Variants in ZNF831 observed in about 807,000 individuals in gnomAD.
The protein encoded by ZNF831 is zinc finger protein 831, also known as chromosome 20 open reading frame 174.
A neutral mutation model predicts 95.8 loss-of-function variants in ZNF831; 59 were observed. The ratio of observed to expected loss-of-function variants is 0.62; its 90% CI spans 0.50 to 0.77. The LOEUF (loss-of-function observed/expected upper bound fraction) is 0.77, where lower values mean the gene tolerates loss of function less well. ZNF831 is among the 30% of genes least tolerant of loss of function. The pLI is 0.00. For synonymous variants in ZNF831, 961 were observed against 925.5 expected (o/e 1.04, Z -0.70); for missense variants, 2,205 against 2,164.0 (o/e 1.02, Z -0.38).
At chr20:59,158,822 A>G (rs976910810), upstream of ZNF831, among the ~76,000 whole-genome samples, 2 of 152,182 alleles carry the variant, frequency 1.3e-5, no homozygotes, top group African/African-American at 4.8e-5. Context: ...AGAAATTCCC[A>G]CATCCCTTCA....
rs758933089 is a variant in ZNF831 at position 59,192,494 on chromosome 20, T to A, written c.1475T>A (p.Leu492His). ...PLFFHSVPTQ[L>H]STTVECVPVT... ...TTCTTCCACTCCGTCCCCACTCAGC[T>A]CTCCACCACCGTGGAATGTGTCCCC... is the stretch of plus-strand genomic sequence containing the variant. The change falls in exon 2 of 6, where the codon CTC becomes CAC. Residue 492 changes from leucine (L) to histidine (H), a missense_variant. Coordinates refer to ENST00000371030, the MANE Select transcript of ZNF831 (RefSeq NM_178457.3). The surrounding 1 kb of genome is among the most constrained non-coding windows in gnomAD (Gnocchi z 5.2). The A allele has an allele frequency of 1.3e-6, 2 of 1,563,860 alleles. No homozygotes were observed. Among genetic ancestry groups the A allele is most frequent in the Non-Finnish European group, 8.7e-7 (1 of 1,155,984 alleles).
upstream of ZNF831, among the ~76,000 whole-genome samples, chr20:59,161,085 G>C (rs1285472371): frequency 2.6e-5 from 4 of 152,120 alleles, no homozygotes; most frequent in African/African-American, 9.7e-5. Flanking sequence ...ATTAGAATGG[G>C]AGTGATGGAT....
At chr20:59,198,822 T>A (rs1480033414) in intron 3 of ZNF831, among the ~76,000 whole-genome samples, 1 of 152,190 alleles carries the variant, frequency 6.6e-6, no homozygotes, top group African/African-American at 2.4e-5. Flanking sequence ...TAATTCCAGC[T>A]TCAAGGCCTT....
rs2146596567 is a variant in ZNF831 at position 59,194,269 on chromosome 20, T to C, written c.3250T>C (p.Leu1084=). 1 of 1,614,004 alleles carries C rather than the reference T, an allele frequency of 6.2e-7. No homozygotes were observed. The highest frequency in any genetic ancestry group is 8.5e-7 in the Non-Finnish European group (1 of 1,179,994). ...CCATCGCCTCTGCATGGGCAGCACT[T>C]TGGCAAGGGCCAGGCTCTCTGGGGA... ...RIHRLCMGST[L]ARARLSGDVL... Residue 1084 remains leucine (L), a synonymous_variant, in exon 2 of 6, where the codon TTG becomes CTG. Transcript: ENST00000371030.
At chr20:59,226,458 T>A (rs1409836545) in intron 4 of ZNF831, among the ~76,000 whole-genome samples, 1 of 152,050 alleles carries the variant, frequency 6.6e-6, no homozygotes, top group African/African-American at 2.4e-5. Flanking sequence ...ACATTTTTCT[T>A]GAGAGTACCC....
intron 4 of ZNF831, among the ~76,000 whole-genome samples, chr20:59,227,201 A>C (rs1352336850): frequency 6.6e-6 from 1 of 152,226 alleles, no homozygotes; most frequent in Non-Finnish European, 1.5e-5. Flanking sequence ...GAATGGCGTC[A>C]TTTCAGGCTA....
intron 1 of ZNF831, among the ~76,000 whole-genome samples, chr20:59,181,755 G>C (rs1982632793): frequency 1.5e-5 from 2 of 132,004 alleles, no homozygotes; most frequent in Non-Finnish European, 1.7e-5. Flanking sequence ...GTACCATGCT[G>C]TTTTGGTTAC....
chr20:59,136,592 AC>A (rs1317348954), intron 1 of ZNF831, among the ~76,000 whole-genome samples: 1 of 152,120 alleles, frequency 6.6e-6, no homozygotes, highest in Non-Finnish European at 1.5e-5. Context: ...TGCGGTAGAT[AC>A]TGTAGCTCCC....
intron 1 of ZNF831, among the ~76,000 whole-genome samples, chr20:59,127,848 T>C (rs186887417): frequency 9.4e-4 from 143 of 152,326 alleles, no homozygotes; most frequent in African/African-American, 3.1e-3. Context: ...TTTTCTGGCC[T>C]AGACAAAAGA....
intron 1 of ZNF831, among the ~76,000 whole-genome samples, chr20:59,182,972 G>T (rs530345107): frequency 2.0e-5 from 3 of 152,140 alleles, no homozygotes; most frequent in African/African-American, 7.2e-5. Context: ...ATTCACCTGC[G>T]CACATAAGGT....
Position 59,194,173 on chromosome 20 carries a change from A to G in ZNF831, c.3154A>G (p.Thr1052Ala). 6.3e-7 allele frequency: 1 copy of G among 1,589,368 alleles called. No homozygotes were observed. The highest frequency in any genetic ancestry group is 8.6e-7 in the Non-Finnish European group (1 of 1,166,458). The change falls in exon 2 of 6, where the codon ACC (threonine) becomes GCC (alanine). Residue 1052 changes from threonine (T) to alanine (A), a missense_variant. Coordinates refer to ENST00000371030, the MANE Select transcript of ZNF831 (RefSeq NM_178457.3). ...ISAPGAPREA[T>A]SSPPTPTCEA... ...AGCACCAGGGGCTCCCAGGGAGGCTACCTCCTCCCCGCCCACTCCAACGTG... is the reference window on the plus strand; with the variant it reads ...AGCACCAGGGGCTCCCAGGGAGGCTGCCTCCTCCCCGCCCACTCCAACGTG...
intron 1 of ZNF831, among the ~76,000 whole-genome samples, chr20:59,178,917 C>A (rs1032014881): frequency 1.3e-5 from 2 of 152,170 alleles, no homozygotes; most frequent in African/African-American, 2.4e-5. Context: ...TCCTCCAGAG[C>A]CCGCTCTCTT....
At chr20:59,137,243 A>G (rs60329871) in intron 1 of ZNF831, among the ~76,000 whole-genome samples, 1,727 of 151,690 alleles carry the variant, frequency 0.011, 29 homozygotes, top group African/African-American at 0.039. Flanking sequence ...TAGAAGTTAT[A>G]TGCACTAATA....
At chr20:59,136,631 C>G (rs1241792440) in intron 1 of ZNF831, among the ~76,000 whole-genome samples, 2 of 152,194 alleles carry the variant, frequency 1.3e-5, no homozygotes, top group Non-Finnish European at 2.9e-5. Context: ...AACCTCCCCC[C>G]TCCTCTGAGC....
chr20:59,169,051 T>C lies in ZNF831; in HGVS notation c.-37+4844T>C, dbSNP rs1981520666. Among the ~76,000 whole-genome samples, 1 of 152,206 alleles carries C rather than the reference T, an allele frequency of 6.6e-6. No homozygotes were observed. Among genetic ancestry groups the C allele is most frequent in the Non-Finnish European group, 1.5e-5 (1 of 68,028 alleles). ...TTTGTCTAGTTTGGTCGCAGGGTAA[T>C]ACCTAGGTGCTTAAAATTAACTGGG... On this transcript the variant is annotated intron_variant, in intron 1 of 5. Transcript: ENST00000371030. The surrounding 1 kb of genome is among the most constrained non-coding windows in gnomAD (Gnocchi z 4.1).
intron 4 of ZNF831, among the ~76,000 whole-genome samples, chr20:59,228,809 T>A (rs1986568064): frequency 6.6e-6 from 1 of 152,242 alleles, no homozygotes; most frequent in Admixed American, 6.5e-5. Context: ...ATCTTTTCTT[T>A]GTGTTGGGAA....
chr20:59,155,346 A>G (rs765293595), intron 2 of ZNF831, among the ~76,000 whole-genome samples: 4 of 152,316 alleles, frequency 2.6e-5, no homozygotes, highest in Admixed American at 2.0e-4. Context: ...ACATGAATGC[A>G]CTAATATTTT....
intron 1 of ZNF831, among the ~76,000 whole-genome samples, chr20:59,185,174 C>T (rs952710926): frequency 6.6e-6 from 1 of 152,150 alleles, no homozygotes; most frequent in African/African-American, 2.4e-5. Context: ...TTGCCATCTC[C>T]TTGATTCAGA....
chr20:59,159,226 C>T (rs143276473), upstream of ZNF831, among the ~76,000 whole-genome samples: 46 of 152,112 alleles, frequency 3.0e-4, 1 homozygote, highest in African/African-American at 1.1e-3. Context: ...CCAAGCAAAT[C>T]CCTAACAAAG....
Sources: gnomAD v4.1 joint callset for allele counts (sites outside exome capture counted in the v4.1 genomes callset) on GRCh38, gnomAD v4.1.1 for gene constraint, Gnocchi (gnomAD v3.1) non-coding constraint, MANE v1.5 for transcripts, NCBI Gene and HGNC (gene_info 2026-07-23, HGNC 2026-07-21) for gene names.